The following GPATCH2L variants were observed in gnomAD, a reference collection of about 807,000 sequenced individuals.
GPATCH2L encodes the protein G patch domain-containing protein 2-like.
A neutral mutation model predicts 57.4 loss-of-function variants in GPATCH2L; 31 were observed. The observed-to-expected ratio is 0.54, with a 90% CI of 0.41 to 0.73. GPATCH2L has a LOEUF of 0.73. Ranked by LOEUF, GPATCH2L falls within the 30% of genes least tolerant of loss-of-function variation. GPATCH2L has a pLI of 0.00. For synonymous variants in GPATCH2L, 199 were observed against 210.7 expected (o/e 0.94, Z 0.48); for missense variants, 481 against 599.9 (o/e 0.80, Z 2.07).
At chr14:76,152,756 C>T (rs187263482) in intron 1 of GPATCH2L, 22 of 456,084 alleles carry the variant, frequency 4.8e-5, no homozygotes, top group African/African-American at 4.0e-4. Flanking sequence ...CAAGTTTGTG[C>T]TGTTCTGCCT....
At position 76,184,023 on chromosome 14, in the gene GPATCH2L, G is replaced by GGGGGGT. The variant is rs1321748835; in HGVS notation, c.1193+3175_1193+3176insGGGGTG. Among the ~76,000 whole-genome samples the GGGGGGT allele has an allele frequency of 0.011, 65 of 5,924 alleles. No individual in the cohort carries two copies. In the Admixed American group the frequency reaches 0.15, roughly 13 times the overall value. 3.9% of individuals were successfully genotyped at this position (5,924 alleles called of 152,430 possible). The stretch of plus-strand genomic sequence containing the variant: ...GAAATTTCACATGCATCATTAGCAT[G>GGGGGGT]GTGTGTGTGTGTGTGTGTGTGTGTG... On this transcript the variant is annotated intron_variant, in intron 8 of 9. Coordinates refer to ENST00000261530, the MANE Select transcript of GPATCH2L (RefSeq NM_017926.4).
At chr14:76,171,544 C>T (rs905060467) in intron 3 of GPATCH2L, among the ~76,000 whole-genome samples, 1 of 151,900 alleles carries the variant, frequency 6.6e-6, no homozygotes, top group Non-Finnish European at 1.5e-5. Context: ...GATCACGCCA[C>T]TGCACTCCAG....
intron 3 of GPATCH2L, among the ~76,000 whole-genome samples, chr14:76,170,281 A>G (rs936150138): frequency 1.3e-5 from 2 of 152,204 alleles, no homozygotes; most frequent in Non-Finnish European, 2.9e-5. Flanking sequence ...TCCAGTGTAC[A>G]TTAGAGACTG....
At chr14:76,195,655 GCTA>G in intron 8 of GPATCH2L, among the ~76,000 whole-genome samples, 1 of 152,292 alleles carries the variant, frequency 6.6e-6, no homozygotes, top group South Asian at 2.1e-4. Flanking sequence ...TTGAATGTCT[GCTA>G]CACTGAAATC....
At chr14:76,161,594 C>T (rs2038586125) in intron 2 of GPATCH2L, among the ~76,000 whole-genome samples, 1 of 152,146 alleles carries the variant, frequency 6.6e-6, no homozygotes, top group Non-Finnish European at 1.5e-5. Context: ...TTTCCCACCC[C>T]CTGCTCCCCC....
In GPATCH2L at chr14:76,163,000, A is replaced by G. The variant is rs867429655; in HGVS notation, c.663-3663A>G. On this transcript the variant is annotated intron_variant, in intron 2 of 9. Coordinates refer to ENST00000261530, the MANE Select transcript of GPATCH2L (RefSeq NM_017926.4). ...TCCCTAGCTCAATTAATCTGTTTGC[A>G]TCTTCAGGAGAATGAACAGTCCTGA... Among the ~76,000 whole-genome samples, 8 of 152,360 alleles carry G rather than the reference A, an allele frequency of 5.3e-5. No individual in the cohort carries two copies. The Middle Eastern group carries it at 0.014, about 259-fold the overall frequency.
chr14:76,178,129 T>A, intron 7 of GPATCH2L, 87 bp downstream of exon 7: 1 of 1,269,192 alleles, frequency 7.9e-7, no homozygotes, highest in South Asian at 1.2e-5. Flanking sequence ...AAACTGCAGC[T>A]AATTCCTCTT....
At chr14:76,201,008 C>A (rs1288347358) in intron 9 of GPATCH2L, among the ~76,000 whole-genome samples, 2 of 152,178 alleles carry the variant, frequency 1.3e-5, no homozygotes, top group African/African-American at 2.4e-5. Flanking sequence ...CAGATAGGAT[C>A]CAGATCGGTA....
rs2139827927 is a variant in GPATCH2L at position 76,201,963 on chromosome 14, C to G, written c.*112C>G. The G allele has an allele frequency of 1.3e-6, 1 of 777,122 alleles. No individual in the cohort carries two copies. The highest frequency in any genetic ancestry group is 2.7e-5 in the East Asian group (1 of 36,540). 48.1% of individuals were successfully genotyped at this position (777,122 alleles called of 1,614,324 possible). A position where few individuals can be genotyped will look rare whatever the true frequency, so the allele number is the denominator to read the frequency against. ...TCGACATTCCCAGTCCTTTCACCAC[C>G]AGAACCAACTCCTCTTTCAAACACA... On this transcript the variant is annotated 3_prime_UTR_variant, in exon 10 of 10. Coordinates refer to ENST00000261530, the MANE Select transcript of GPATCH2L (RefSeq NM_017926.4).
At position 76,198,177 on chromosome 14, in the gene GPATCH2L, C is replaced by T. The variant is rs141132721; in HGVS notation, c.1288+2205C>T. ...TTGTATCTTCATTCTCCCTCCTTTACGGCTTTCTAGCATGCAGGTGTCTAG... is the reference window on the plus strand; with the variant it reads ...TTGTATCTTCATTCTCCCTCCTTTATGGCTTTCTAGCATGCAGGTGTCTAG... On this transcript the variant is annotated intron_variant, in intron 9 of 9. Transcript: ENST00000261530. 2.3e-3 allele frequency among the ~76,000 whole-genome samples: 343 copies of T among 152,228 alleles called. 1 individual carries two copies. Among genetic ancestry groups the T allele is most frequent in the Non-Finnish European group, 4.1e-3 (279 of 68,002 alleles).
chr14:76,160,875 C>G (rs937088509), intron 2 of GPATCH2L, among the ~76,000 whole-genome samples: 2 of 152,148 alleles, frequency 1.3e-5, no homozygotes, highest in African/African-American at 4.8e-5. Flanking sequence ...GGCACAGCCC[C>G]CAGCTCAATA....
intron 8 of GPATCH2L, among the ~76,000 whole-genome samples, chr14:76,184,121 C>A (rs148592232): frequency 6.6e-6 from 1 of 150,716 alleles, no homozygotes; most frequent in East Asian, 2.0e-4. Flanking sequence ...AGAAGTGTTT[C>A]CTGTTTTATC....
In GPATCH2L at chr14:76,210,502, C is replaced by A. The variant is rs1343653220; in HGVS notation, c.*8651C>A. 6.6e-6 allele frequency: 1 copy of A among 152,110 alleles called. No homozygotes were observed. Among genetic ancestry groups the A allele is most frequent in the Non-Finnish European group, 1.5e-5 (1 of 68,048 alleles). 9.4% of individuals were successfully genotyped at this position (152,110 alleles called of 1,614,324 possible). A position where few individuals can be genotyped will look rare whatever the true frequency, so the allele number is the denominator to read the frequency against. On this transcript the variant is annotated 3_prime_UTR_variant, in exon 10 of 10. Coordinates refer to ENST00000261530, the MANE Select transcript of GPATCH2L (RefSeq NM_017926.4). ...TTTGTCCTGGTGGGCTGTTTCTCTA[C>A]CAGGCAACTGTGAATGGGCTCATCC...
At chr14:76,229,923 C>CA (rs1383141218) in exon 2 of GPATCH2L, 7 of 152,618 alleles carry the variant, frequency 4.6e-5, no homozygotes, top group Admixed American at 6.5e-5. Flanking sequence ...ACCTTCCCGT[C>CA]AGTTTCGTGA....
chr14:76,177,743 C>G, intron 6 of GPATCH2L: 1 of 348,942 alleles, frequency 2.9e-6, no homozygotes, highest in Non-Finnish European at 5.2e-6. Flanking sequence ...TACATTTAAT[C>G]TCTTTCTCCT....
chr14:76,206,873 T>C lies in GPATCH2L; in HGVS notation c.*5022T>C, dbSNP rs1440363049. ...ATATTCCCTCCATAAGTAAAGAGATTTTTTTTGTATAATTCTTTGCAGAAA... is the reference window on the plus strand; with the variant it reads ...ATATTCCCTCCATAAGTAAAGAGATCTTTTTTGTATAATTCTTTGCAGAAA... On this transcript the variant is annotated 3_prime_UTR_variant, in exon 10 of 10. Coordinates refer to ENST00000261530, the MANE Select transcript of GPATCH2L (RefSeq NM_017926.4). 6.6e-6 allele frequency: 1 copy of C among 152,234 alleles called. No homozygotes were observed. Among genetic ancestry groups the C allele is most frequent in the Non-Finnish European group, 1.5e-5 (1 of 68,046 alleles). The allele number at this position is 152,234 out of a possible 1,614,324, so 9.4% of individuals were successfully genotyped here. A position where few individuals can be genotyped will look rare whatever the true frequency, so the allele number is the denominator to read the frequency against.
At chr14:76,169,840 A>C (rs1383883991) in intron 3 of GPATCH2L, among the ~76,000 whole-genome samples, 1 of 152,258 alleles carries the variant, frequency 6.6e-6, no homozygotes, top group East Asian at 1.9e-4. Context: ...GCCTGTATTC[A>C]GTTCATCTAT....
At chr14:76,231,729 A>G (rs141057150) in intron 2 of GPATCH2L, among the ~76,000 whole-genome samples, 33 of 152,266 alleles carry the variant, frequency 2.2e-4, no homozygotes, top group African/African-American at 7.5e-4. Context: ...AGAAAATGCA[A>G]AAATAAAATC....
chr14:76,183,745 G>A (rs994294962), intron 8 of GPATCH2L, among the ~76,000 whole-genome samples: 43 of 152,298 alleles, frequency 2.8e-4, no homozygotes, highest in African/African-American at 9.6e-4. Context: ...CAAGGGGTTA[G>A]TGAAGATGGA....
Sources: gnomAD v4.1 joint callset for allele counts (sites outside exome capture counted in the v4.1 genomes callset) on GRCh38, gnomAD v4.1.1 for gene constraint, MANE v1.5 for transcripts, NCBI Gene and HGNC (gene_info 2026-07-23, HGNC 2026-07-21) for gene names.